Variants in FOXI2 observed in about 807,000 individuals in gnomAD.
FOXI2 encodes forkhead box I2.
A neutral mutation model predicts 14.3 loss-of-function variants in FOXI2; 17 were observed. That is an observed-to-expected ratio of 1.19 (90% CI 0.81 to 1.78). The LOEUF (loss-of-function observed/expected upper bound fraction) is 1.78, where lower values mean the gene tolerates loss of function less well. FOXI2 is among the 40% of genes most tolerant of loss of function. The pLI is 0.00. For synonymous variants in FOXI2, 240 were observed against 218.8 expected, an observed-to-expected ratio of 1.10 and a Z score of -0.85; for missense variants, 541 against 460.0, an observed-to-expected ratio of 1.18 and a Z score of -1.61.
rs1445630713 is a variant in FOXI2, at chr10:127,739,082, C to T, written c.*117C>T. 1.5e-5 allele frequency: 14 copies of T among 946,474 alleles called. No individual in the cohort carries two copies. The highest frequency in any genetic ancestry group is 7.7e-6 in the Non-Finnish European group (5 of 651,150). 58.6% of individuals were successfully genotyped at this position (946,474 alleles called of 1,614,324 possible). On this transcript the variant is annotated 3_prime_UTR_variant, in exon 2 of 2. Transcript: ENST00000388920. ...AAGGCCTTGGTGCCCTGGGAGGAAG[C>T]GCAGAGCCGGGGGCGGCTCGGCCAG... is the stretch of plus-strand genomic sequence containing the variant.
chr10:127,738,988 G>A lies in FOXI2; in HGVS notation c.*23G>A, dbSNP rs757893269. 1.3e-6 allele frequency: 2 copies of A among 1,588,450 alleles called. No individual in the cohort carries two copies. Among genetic ancestry groups the A allele is most frequent in the African/African-American group, 1.3e-5 (1 of 74,780 alleles). ...TGAAGGGAGGCTGGAGGCTAGCCGG[G>A]TGCGGGTCCAGAGGTGCTGAGCTCA... On this transcript the variant is annotated 3_prime_UTR_variant, in exon 2 of 2. Transcript: ENST00000388920.
chr10:127,738,646 G>A lies in FOXI2; in HGVS notation c.638G>A (p.Gly213Glu), dbSNP rs1846447948. The A allele has an allele frequency of 1.9e-6, 3 of 1,598,536 alleles. No individual in the cohort carries two copies. In the South Asian group the frequency reaches 3.4e-5, roughly 18 times the overall value. ...GTGCGCTCGGGAGCCAGGAGCGTGG[G>A]AGGGGCCGAGGCGCCAGCGCTGGAG... The part of the protein sequence containing the change: ...AAVRSGARSV[G>E]GAEAPALEPP... Residue 213 changes from glycine (G) to glutamate (E), a missense_variant, in exon 2 of 2, where the codon GGA becomes GAA. Gly to Glu is a moderately conservative substitution (Grantham distance 98, BLOSUM62 -2). Coordinates refer to ENST00000388920, the MANE Select transcript of FOXI2 (RefSeq NM_207426.3).
In FOXI2 at chr10:127,738,753, G is replaced by A. The variant is rs750516713; in HGVS notation, c.745G>A (p.Ala249Thr). 1 of 1,604,310 alleles carries A rather than the reference G, an allele frequency of 6.2e-7. No homozygotes were observed. The highest frequency in any genetic ancestry group is 1.3e-5 in the African/African-American group (1 of 74,768). The change falls in exon 2 of 2, where the codon GCT (alanine) becomes ACT (threonine). Residue 249 changes from alanine (A) to threonine (T), a missense_variant. Ala to Thr is a moderately conservative substitution (Grantham distance 58). Transcript: ENST00000388920. ...GGCCGCCACCTGCTTCTCCGGTTTC[G>A]CTTCTGCTATGAGCGCTCTGGCTGG... ...PEAATCFSGFASAMSALAGGL... is the reference protein window; with the variant it reads ...PEAATCFSGFTSAMSALAGGL...
chr10:127,737,185 G>A lies in FOXI2; in HGVS notation c.-89G>A, dbSNP rs992267282. ...GGCGGAGGGCTGGGCCGGGCTGGTC[G>A]CACCCGGGCGCTGCTGGCGGCCAAG... On this transcript the variant is annotated 5_prime_UTR_variant, in exon 1 of 2. Coordinates refer to ENST00000388920, the MANE Select transcript of FOXI2 (RefSeq NM_207426.3). The A allele has an allele frequency of 3.0e-6, 4 of 1,355,056 alleles. No homozygotes were observed. The highest frequency in any genetic ancestry group is 6.9e-5 in the Admixed American group (2 of 28,822). The allele number at this position is 1,355,056 out of a possible 1,614,324, so 83.9% of individuals were successfully genotyped here.
rs1846518246 is a variant in FOXI2, at chr10:127,741,012, AC to A, written c.*2048del. ...GTGTTGAAGGTGATGATGTCGCCTAACTAAACTCACAACCAACCCGCAATCT... is the reference window on the plus strand; with the variant it reads ...GTGTTGAAGGTGATGATGTCGCCTAATAAACTCACAACCAACCCGCAATCT... On this transcript the variant is annotated 3_prime_UTR_variant, in exon 2 of 2. Coordinates refer to ENST00000388920, the MANE Select transcript of FOXI2 (RefSeq NM_207426.3). The A allele has an allele frequency of 1.3e-5, 2 of 152,190 alleles. No homozygotes were observed. Among genetic ancestry groups the A allele is most frequent in the African/African-American group, 2.4e-5 (1 of 41,444 alleles). The allele number at this position is 152,190 out of a possible 1,614,324, so 9.4% of individuals were successfully genotyped here.
Position 127,737,413 on chromosome 10 carries a change from C to A in FOXI2, c.140C>A (p.Ala47Glu). The A allele has an allele frequency of 1.4e-6, 2 of 1,382,470 alleles. No individual in the cohort carries two copies. The highest frequency in any genetic ancestry group is 9.2e-7 in the Non-Finnish European group (1 of 1,081,596). 85.6% of individuals were successfully genotyped at this position (1,382,470 alleles called of 1,614,324 possible). ...GGPLLWVNAP[A>E]LSPKSYASGP... ...CCCCTCCTGTGGGTGAACGCGCCAG[C>A]GCTCAGCCCCAAGTCCTACGCTTCG... The change falls in exon 1 of 2, where the codon GCG becomes GAG. Residue 47 changes from alanine (A) to glutamate (E), a missense_variant. Ala to Glu is a moderately radical substitution (Grantham distance 107). Transcript: ENST00000388920.
At position 127,737,525 on chromosome 10, in the gene FOXI2, C is replaced by A. The variant is rs1384894574; in HGVS notation, c.252C>A (p.Ala84=). The A allele has an allele frequency of 6.9e-7, 1 of 1,441,944 alleles. No homozygotes were observed. The highest frequency in any genetic ancestry group is 9.1e-7 in the Non-Finnish European group (1 of 1,103,912). The allele number at this position is 1,441,944 out of a possible 1,614,324, so 89.3% of individuals were successfully genotyped here. ...LLGAPGGLAG[A]DLAWLSLSGQ... is the part of the protein sequence containing the mutation. ...GCGCCCCGGGCGGCCTGGCGGGCGC[C>A]GACCTCGCCTGGCTGAGCCTCTCCG... Residue 84 remains alanine (A), a synonymous_variant, in exon 1 of 2, where the codon GCC becomes GCA. Coordinates refer to ENST00000388920, the MANE Select transcript of FOXI2 (RefSeq NM_207426.3).
At position 127,738,628 on chromosome 10, in the gene FOXI2, C is replaced by T. The variant is rs370717640; in HGVS notation, c.620C>T (p.Ser207Leu). ...RRAEASAAVRSGARSVGGAEA... is the reference protein window; with the variant it reads ...RRAEASAAVRLGARSVGGAEA... ...GCTGAAGCCAGCGCGGCCGTGCGCT[C>T]GGGAGCCAGGAGCGTGGGAGGGGCC... Residue 207 changes from serine to leucine, a missense_variant, in exon 2 of 2, where the codon TCG becomes TTG. Coordinates refer to ENST00000388920, the MANE Select transcript of FOXI2 (RefSeq NM_207426.3). The T allele has an allele frequency of 9.2e-5, 147 of 1,603,836 alleles. No homozygotes were observed. The African/African-American group carries it at 1.2e-3, about 13-fold the overall frequency.
In FOXI2 at chr10:127,740,266, C is replaced by T. The variant is rs1564749737; in HGVS notation, c.*1301C>T. 1 of 152,314 alleles carries T rather than the reference C, an allele frequency of 6.6e-6. No individual in the cohort carries two copies. The highest frequency in any genetic ancestry group is 1.5e-5 in the Non-Finnish European group (1 of 68,134). 9.4% of individuals were successfully genotyped at this position (152,314 alleles called of 1,614,324 possible). ...CCACACTTGTTTTGGTCTCTTTCCC[C>T]TCCAAACCCACAGTTTGAGCCAAAG... is the stretch of plus-strand genomic sequence containing the variant. On this transcript the variant is annotated 3_prime_UTR_variant, in exon 2 of 2. Coordinates refer to ENST00000388920, the MANE Select transcript of FOXI2 (RefSeq NM_207426.3).
rs1443282280 is a variant in FOXI2, at chr10:127,740,657, C to G, written c.*1692C>G. 6.6e-6 allele frequency: 1 copy of G among 152,204 alleles called. No individual in the cohort carries two copies. Among genetic ancestry groups the G allele is most frequent in the Non-Finnish European group, 1.5e-5 (1 of 68,120 alleles). 9.4% of individuals were successfully genotyped at this position (152,204 alleles called of 1,614,324 possible). On this transcript the variant is annotated 3_prime_UTR_variant, in exon 2 of 2. Transcript: ENST00000388920. ...GAGTGGGACAGGCTGGTTTAGCAAT[C>G]CTAAGCCCCAGCCACGCAGGTATTC... is the stretch of plus-strand genomic sequence containing the variant.
Position 127,737,356 on chromosome 10 carries a change from A to G in FOXI2, c.83A>G (p.Glu28Gly). Residue 28 changes from glutamate to glycine, a missense_variant, in exon 1 of 2, where the codon GAG becomes GGG. Transcript: ENST00000388920. ...GCCACCGCGCACCCCCCGGGCTATGAGCCAGGGGATCTGGGCGCGGTGGGC... is the reference window on the plus strand; with the variant it reads ...GCCACCGCGCACCCCCCGGGCTATGGGCCAGGGGATCTGGGCGCGGTGGGC... ...AQATAHPPGY[E>G]PGDLGAVGGG... 2 of 1,417,136 alleles carry G rather than the reference A, an allele frequency of 1.4e-6. No homozygotes were observed. The highest frequency in any genetic ancestry group is 1.8e-6 in the Non-Finnish European group (2 of 1,100,632). The allele number at this position is 1,417,136 out of a possible 1,614,324, so 87.8% of individuals were successfully genotyped here.
chr10:127,739,347 G>T lies in FOXI2; in HGVS notation c.*382G>T, dbSNP rs200025677. ...GAGCCTTAGAGCAGATGGGAAGAAG[G>T]TGGGCTGCCAGAGCGGCCCAGGTGG... On this transcript the variant is annotated 3_prime_UTR_variant, in exon 2 of 2. Transcript: ENST00000388920. The T allele has an allele frequency of 1.1e-5, 2 of 181,040 alleles. No individual in the cohort carries two copies. Among genetic ancestry groups the T allele is most frequent in the East Asian group, 3.1e-4 (2 of 6,428 alleles). The allele number at this position is 181,040 out of a possible 1,614,324, so 11.2% of individuals were successfully genotyped here.
rs1206223886 is a variant in FOXI2, at chr10:127,740,125, C to CA, written c.*1160_*1161insA. 89 of 55,242 alleles carry CA rather than the reference C, an allele frequency of 1.6e-3. No homozygotes were observed. The highest frequency in any genetic ancestry group is 2.0e-3 in the Non-Finnish European group (44 of 22,252). The allele number at this position is 55,242 out of a possible 1,614,324, so 3.4% of individuals were successfully genotyped here. On this transcript the variant is annotated 3_prime_UTR_variant, in exon 2 of 2. Coordinates refer to ENST00000388920, the MANE Select transcript of FOXI2 (RefSeq NM_207426.3). ...ACCCACACTCACACCACACTCACAC[C>CA]CACACACACCCACACTCATACTCAC...
chr10:127,738,984 C>G lies in FOXI2; in HGVS notation c.*19C>G. ...AGTTTGAAGGGAGGCTGGAGGCTAG[C>G]CGGGTGCGGGTCCAGAGGTGCTGAG... On this transcript the variant is annotated 3_prime_UTR_variant, in exon 2 of 2. Coordinates refer to ENST00000388920, the MANE Select transcript of FOXI2 (RefSeq NM_207426.3). 6.3e-7 allele frequency: 1 copy of G among 1,590,224 alleles called. No homozygotes were observed. The highest frequency in any genetic ancestry group is 1.1e-5 in the South Asian group (1 of 89,886).
At position 127,738,725 on chromosome 10, in the gene FOXI2, C is replaced by T. The variant is rs759352290; in HGVS notation, c.717C>T (p.Pro239=). ...AGGCCTCGCCCTCTCCATCCGCACC[C>T]GAGGCCGCCACCTGCTTCTCCGGTT... The part of the protein sequence containing the change: ...DLQASPSPSA[P]EAATCFSGFA... Residue 239 remains proline, a synonymous_variant, in exon 2 of 2, where the codon CCC becomes CCT. Coordinates refer to ENST00000388920, the MANE Select transcript of FOXI2 (RefSeq NM_207426.3). 1.9e-6 allele frequency: 3 copies of T among 1,598,080 alleles called. No individual in the cohort carries two copies. Among genetic ancestry groups the T allele is most frequent in the South Asian group, 1.1e-5 (1 of 88,598 alleles).
In FOXI2 at chr10:127,737,200, TGGC is replaced by T; in HGVS notation, c.-70_-68del. The stretch of plus-strand genomic sequence containing the variant: ...CGGGCTGGTCGCACCCGGGCGCTGC[TGGC>T]GGCCAAGCTGGATGGGTCGCCAGTG... On this transcript the variant is annotated 5_prime_UTR_variant, in exon 1 of 2. Coordinates refer to ENST00000388920, the MANE Select transcript of FOXI2 (RefSeq NM_207426.3). 1 of 1,426,070 alleles carries T rather than the reference TGGC, an allele frequency of 7.0e-7. No individual in the cohort carries two copies. The highest frequency in any genetic ancestry group is 1.4e-5 in the South Asian group (1 of 71,412). The allele number at this position is 1,426,070 out of a possible 1,614,324, so 88.3% of individuals were successfully genotyped here.
Position 127,739,873 on chromosome 10 carries a change from A to C in FOXI2, c.*908A>C, listed in dbSNP as rs1846481150. The C allele has an allele frequency of 1.5e-5, 1 of 67,384 alleles. No homozygotes were observed. The allele number at this position is 67,384 out of a possible 1,614,324, so 4.2% of individuals were successfully genotyped here. A position where few individuals can be genotyped will look rare whatever the true frequency, so the allele number is the denominator to read the frequency against. ...CACTCACACCCACACTCACACCCAC[A>C]CTCACACCCACACCCACACCCACAC... On this transcript the variant is annotated 3_prime_UTR_variant, in exon 2 of 2. Transcript: ENST00000388920.
Position 127,738,596 on chromosome 10 carries a change from G to A in FOXI2, c.588G>A (p.Lys196=). Residue 196 remains lysine (K), a synonymous_variant, in exon 2 of 2, where the codon AAG becomes AAA. Transcript: ENST00000388920. The part of the protein sequence containing the change: ...FDNGNFRRKR[K]RRAEASAAVR... ...ACGGGAACTTCCGAAGGAAGAGGAA[G>A]AGGAGAGCTGAAGCCAGCGCGGCCG... 1 of 1,611,502 alleles carries A rather than the reference G, an allele frequency of 6.2e-7. No homozygotes were observed. Among genetic ancestry groups the A allele is most frequent in the Non-Finnish European group, 8.5e-7 (1 of 1,178,884 alleles).
chr10:127,739,758 C>G lies in FOXI2; in HGVS notation c.*793C>G, dbSNP rs183802124. On this transcript the variant is annotated 3_prime_UTR_variant, in exon 2 of 2. Transcript: ENST00000388920. Reference sequence around the variant, plus strand: ...CAGCACCCAGGAGTTCCCCAAGGGTCCAGGTTTGTGCCACCCACACCCACA... The same window carrying G: ...CAGCACCCAGGAGTTCCCCAAGGGTGCAGGTTTGTGCCACCCACACCCACA... 1.8e-3 allele frequency: 269 copies of G among 152,222 alleles called. 1 individual carries two copies. Among genetic ancestry groups the G allele is most frequent in the African/African-American group, 6.2e-3 (257 of 41,190 alleles). The allele number at this position is 152,222 out of a possible 1,614,324, so 9.4% of individuals were successfully genotyped here. A position where few individuals can be genotyped will look rare whatever the true frequency, so the allele number is the denominator to read the frequency against.
Sources: gnomAD v4.1 joint callset for allele counts on GRCh38, gnomAD v4.1.1 for gene constraint, MANE v1.5 for transcripts, NCBI Gene and HGNC (gene_info 2026-07-23, HGNC 2026-07-21) for gene names.